FAM227A: variants seen among roughly 807,000 people sequenced by gnomAD.
The protein encoded by FAM227A is family with sequence similarity 227 member A.
FAM227A carries 80 observed loss-of-function variants against 74.7 expected under a neutral mutation model. The observed-to-expected ratio is 1.07, with a 90% CI of 0.89 to 1.29. The LOEUF (loss-of-function observed/expected upper bound fraction) is 1.29, where lower values mean the gene tolerates loss of function less well. FAM227A is among the 50% of genes most tolerant of loss of function. The pLI is 0.00. For missense variants in FAM227A, 654 were observed against 683.4 expected, an observed-to-expected ratio of 0.96 and a Z score of 0.48; for synonymous variants, 237 against 241.8, an observed-to-expected ratio of 0.98 and a Z score of 0.19.
intron 11 of FAM227A, among the ~76,000 whole-genome samples, chr22:38,609,243 T>A (rs1229857614): frequency 6.6e-6 from 1 of 152,158 alleles, no homozygotes; most frequent in Non-Finnish European, 1.5e-5. Flanking sequence ...TCCACTTACA[T>A]CTCATTAACT....
intron 14 of FAM227A, among the ~76,000 whole-genome samples, chr22:38,598,585 C>A (rs1445549580): frequency 1.3e-5 from 2 of 152,198 alleles, no homozygotes; most frequent in African/African-American, 4.8e-5. Context: ...ACATGCAGTT[C>A]TGTGCAGAAG....
chr22:38,623,333 T>C (rs755547443), intron 9 of FAM227A, 54 bp from the exon 10 acceptor site: 6 of 1,260,088 alleles, frequency 4.8e-6, no homozygotes, highest in Non-Finnish European at 6.8e-6. Flanking sequence ...ATCACGCCTG[T>C]AATCCCAGAA....
At position 38,578,889 on chromosome 22, in the gene FAM227A, T is replaced by C. The variant is rs1479222754; in HGVS notation, c.*7236A>G. On this transcript the variant is annotated 3_prime_UTR_variant, in exon 17 of 17. Transcript: ENST00000535113. ...GTTGAACACCCAATAATGATCATGA[T>C]AGCCAGTACATGCTGCACTTACCAT... is the stretch of plus-strand genomic sequence containing the variant. 6.6e-6 allele frequency: 1 copy of C among 152,204 alleles called. No individual in the cohort carries two copies. Among genetic ancestry groups the C allele is most frequent in the African/African-American group, 2.4e-5 (1 of 41,444 alleles). 9.4% of individuals were successfully genotyped at this position (152,204 alleles called of 1,614,324 possible). A position where few individuals can be genotyped will look rare whatever the true frequency, so the allele number is the denominator to read the frequency against.
intron 16 of FAM227A, 39 bp from the exon 17 acceptor site, chr22:38,586,238 T>TA (rs1245932863): frequency 2.4e-5 from 37 of 1,544,566 alleles, no homozygotes; most frequent in Non-Finnish European, 2.9e-5. Context: ...AAAATTAATT[T>TA]AAAAAATGTA....
Position 38,599,845 on chromosome 22 carries a change from T to A in FAM227A, c.1298A>T (p.Tyr433Phe). 4 of 1,551,588 alleles carry A rather than the reference T, an allele frequency of 2.6e-6. No individual in the cohort carries two copies. Among genetic ancestry groups the A allele is most frequent in the Non-Finnish European group, 3.5e-6 (4 of 1,146,978 alleles). Residue 433 changes from tyrosine to phenylalanine, a missense_variant, in exon 14 of 17, where the codon TAC (tyrosine) becomes TTC (phenylalanine). By Grantham distance (22) the Tyr-to-Phe change is conservative (BLOSUM62 3). Coordinates refer to ENST00000535113, the MANE Select transcript of FAM227A (RefSeq NM_001013647.2). ...NIYGKSPLIVYFLQNYASLQQ... is the reference protein window; with the variant it reads ...NIYGKSPLIVFFLQNYASLQQ... ...CAGACTGGCATAGTTCTGGAGAAAG[T>A]ACACAATCAGAGGGCTCTTCCCATA...
In FAM227A at chr22:38,582,223, C is replaced by T. The variant is rs2146083412; in HGVS notation, c.*3902G>A. On this transcript the variant is annotated 3_prime_UTR_variant, in exon 17 of 17. Coordinates refer to ENST00000535113, the MANE Select transcript of FAM227A (RefSeq NM_001013647.2). ...TTTGTAACCCCTTCCAGCTTCCCTC[C>T]TATCCCCTCTCCAGCTATCCCTCCT... 1.0e-5 allele frequency: 10 copies of T among 994,960 alleles called. No homozygotes were observed. The highest frequency in any genetic ancestry group is 2.6e-5 in the East Asian group (1 of 38,258). The allele number at this position is 994,960 out of a possible 1,614,324, so 61.6% of individuals were successfully genotyped here. A position where few individuals can be genotyped will look rare whatever the true frequency, so the allele number is the denominator to read the frequency against.
At position 38,598,052 on chromosome 22, in the gene FAM227A, A is replaced by AAAAAAAAG. The variant is rs1179327873; in HGVS notation, c.1380-697_1380-696insCTTTTTTT. On this transcript the variant is annotated intron_variant, in intron 14 of 16. Coordinates refer to ENST00000535113, the MANE Select transcript of FAM227A (RefSeq NM_001013647.2). ...AGTGAGACTCTGTCTCAAAAAAAAA[A>AAAAAAAAG]AAAAAAAAGAAAATTCTCCCTCTGC... Among the ~76,000 whole-genome samples the AAAAAAAAG allele has an allele frequency of 2.3e-3, 356 of 151,498 alleles. 4 individuals are homozygous for AAAAAAAAG. Among genetic ancestry groups the AAAAAAAAG allele is most frequent in the African/African-American group, 8.3e-3 (341 of 41,220 alleles).
intron 6 of FAM227A, among the ~76,000 whole-genome samples, chr22:38,630,983 C>T (rs538694948): frequency 6.6e-5 from 10 of 152,150 alleles, no homozygotes; most frequent in Admixed American, 4.6e-4. Flanking sequence ...GTCTGGCCAA[C>T]GTGGTGAAAC....
At chr22:38,622,315 C>G (rs2077662007) in intron 10 of FAM227A, among the ~76,000 whole-genome samples, 1 of 152,190 alleles carries the variant, frequency 6.6e-6, no homozygotes, top group Admixed American at 6.5e-5. Context: ...TCCTTGAATT[C>G]TTGAATTCCT....
At position 38,588,927 on chromosome 22, in the gene FAM227A, CAAAAAAAA is replaced by C. The variant is rs781041691; in HGVS notation, c.1638+2500_1638+2507del. 3.6e-4 allele frequency among the ~76,000 whole-genome samples: 22 copies of C among 61,486 alleles called. No individual in the cohort carries two copies. In the East Asian group the frequency reaches 6.5e-3, roughly 18 times the overall value. 40.3% of individuals were successfully genotyped at this position (61,486 alleles called of 152,430 possible). ...TGGGCGATAGAGCAAGACTCCATCTCAAAAAAAAAAAAAAAAGAAAAAAAGAAGAAGAA... is the reference window on the plus strand; with the variant it reads ...TGGGCGATAGAGCAAGACTCCATCTCAAAAAAAAGAAAAAAAGAAGAAGAA... On this transcript the variant is annotated intron_variant, in intron 16 of 16. Coordinates refer to ENST00000535113, the MANE Select transcript of FAM227A (RefSeq NM_001013647.2).
intron 11 of FAM227A, among the ~76,000 whole-genome samples, chr22:38,612,979 T>C (rs1037823731): frequency 1.4e-5 from 2 of 144,184 alleles, no homozygotes; most frequent in Non-Finnish European, 3.0e-5. Context: ...GATTCCTCCT[T>C]ACAGAGGCCT....
intron 6 of FAM227A, among the ~76,000 whole-genome samples, chr22:38,631,760 AG>A (rs149139710): frequency 0.023 from 3,418 of 148,494 alleles, 52 homozygotes; most frequent in Middle Eastern, 0.058. Context: ...GAAACTGGAC[AG>A]GGGGAGAAAA....
At chr22:38,587,459 C>T (rs76657935) in intron 16 of FAM227A, among the ~76,000 whole-genome samples, 202 of 152,042 alleles carry the variant, frequency 1.3e-3, no homozygotes, top group African/African-American at 4.3e-3. Context: ...ATACAAATGC[C>T]AATAAATTAT....
Position 38,605,235 on chromosome 22 carries a change from T to C in FAM227A, c.1221+19A>G. On this transcript the variant is annotated intron_variant, in intron 13 of 16. Coordinates refer to ENST00000535113, the MANE Select transcript of FAM227A (RefSeq NM_001013647.2). The stretch of plus-strand genomic sequence containing the variant: ...CTTTGGAATCACCTTTACTATTAAA[T>C]TTCCAATCATGTGCTCACCTTTTTA... The C allele has an allele frequency of 7.0e-7, 1 of 1,422,752 alleles. No homozygotes were observed. Among genetic ancestry groups the C allele is most frequent in the Non-Finnish European group, 9.7e-7 (1 of 1,029,790 alleles). The allele number at this position is 1,422,752 out of a possible 1,614,324, so 88.1% of individuals were successfully genotyped here. A position where few individuals can be genotyped will look rare whatever the true frequency, so the allele number is the denominator to read the frequency against.
At chr22:38,638,695 T>C (rs1482824274) in intron 5 of FAM227A, 51 bp downstream of exon 5, 10 of 1,323,744 alleles carry the variant, frequency 7.6e-6, no homozygotes, top group African/African-American at 2.9e-5. Context: ...AATCTTTATT[T>C]CATGCCTAGC....
At chr22:38,586,957 C>T (rs1412621582) in intron 16 of FAM227A, among the ~76,000 whole-genome samples, 2 of 152,088 alleles carry the variant, frequency 1.3e-5, no homozygotes, top group Non-Finnish European at 2.9e-5. Context: ...AAATTACAGG[C>T]ATGAGCCACT....
At chr22:38,597,032 AG>A (rs1163431925) in intron 15 of FAM227A, among the ~76,000 whole-genome samples, 171 bp downstream of exon 15, 1 of 152,198 alleles carries the variant, frequency 6.6e-6, no homozygotes, top group African/African-American at 2.4e-5. Flanking sequence ...CAACAAAAAA[AG>A]CTCTGGTCTC....
At chr22:38,652,259 A>G (rs1603094523) in intron 1 of FAM227A, among the ~76,000 whole-genome samples, 1 of 151,998 alleles carries the variant, frequency 6.6e-6, no homozygotes, top group East Asian at 1.9e-4. Context: ...AAATTAAAAT[A>G]ACAAAAAAGT....
intron 11 of FAM227A, among the ~76,000 whole-genome samples, chr22:38,614,604 G>A (rs2091537390): frequency 1.3e-5 from 2 of 152,170 alleles, no homozygotes. Flanking sequence ...TGCTCTTGAT[G>A]AGAGAGGCTC....
Sources: allele counts gnomAD v4.1 joint callset (sites outside exome capture counted in the v4.1 genomes callset), GRCh38; gene constraint gnomAD v4.1.1; transcripts MANE v1.5; gene names NCBI Gene and HGNC (gene_info 2026-07-23, HGNC 2026-07-21).